Variants in DOCK3 observed in about 807,000 individuals in gnomAD.
DOCK3 encodes the protein dedicator of cytokinesis protein 3.
A neutral mutation model predicts 265.6 loss-of-function variants in DOCK3; 60 were observed. That is an observed-to-expected ratio of 0.23 (90% confidence interval 0.18 to 0.28). DOCK3 has a LOEUF of 0.28. Ranked by LOEUF, DOCK3 falls within the 10% of genes least tolerant of loss-of-function variation. DOCK3 has a pLI of 1.00. For synonymous variants in DOCK3, 881 were observed against 938.0 expected (o/e 0.94, Z 1.11); for missense variants, 1,981 against 2,594.3 (o/e 0.76, Z 5.14).
At chr3:50,820,949 TTTGAGAAGTG>T (rs2044375634) in intron 2 of DOCK3, among the ~76,000 whole-genome samples, 1 of 151,866 alleles carries the variant, frequency 6.6e-6, no homozygotes, top group Non-Finnish European at 1.5e-5. Flanking sequence ...TGTGTTGTCT[TTTGAGAAGTG>T]TCTGTTCATG....
chr3:50,766,165 C>T (rs1260455323), intron 1 of DOCK3, among the ~76,000 whole-genome samples: 3 of 151,964 alleles, frequency 2.0e-5, no homozygotes, highest in African/African-American at 4.8e-5. Context: ...GGTACATGTG[C>T]ACAACGTGTA....
At chr3:50,939,330 CAG>C (rs2051568317) in intron 5 of DOCK3, among the ~76,000 whole-genome samples, 1 of 152,000 alleles carries the variant, frequency 6.6e-6, no homozygotes, top group African/African-American at 2.4e-5. Context: ...TAGTTTTATA[CAG>C]AGTCTTCTAG....
chr3:51,356,856 A>G (rs1245029748), intron 43 of DOCK3, 106 bp from the exon 44 acceptor site: 1 of 1,341,858 alleles, frequency 7.5e-7, no homozygotes, highest in Admixed American at 2.7e-5. Context: ...GTTCACAGGA[A>G]CAAGGAAGGG....
chr3:51,101,368 C>T (rs1440112017), intron 9 of DOCK3, among the ~76,000 whole-genome samples: 2 of 152,174 alleles, frequency 1.3e-5, no homozygotes, highest in African/African-American at 4.8e-5. Flanking sequence ...GATCCACCTG[C>T]CTCGGCCTCC....
chr3:51,189,786 A>AT (rs1389313205), intron 12 of DOCK3, among the ~76,000 whole-genome samples: 2 of 152,170 alleles, frequency 1.3e-5, no homozygotes, highest in Admixed American at 6.5e-5. Context: ...CAGTTGTGGA[A>AT]TTTTTTGATG....
chr3:51,285,702 A>G (rs1227402781), intron 27 of DOCK3, among the ~76,000 whole-genome samples: 1 of 152,102 alleles, frequency 6.6e-6, no homozygotes, highest in African/African-American at 2.4e-5. Context: ...TGGGAGGCCA[A>G]GGTGGGCAGA....
rs1227587306 is a variant in DOCK3 at position 51,236,330 on chromosome 3, T to C, written c.1918-15T>C. The C allele has an allele frequency of 1.2e-6, 2 of 1,606,898 alleles. No individual in the cohort carries two copies. The highest frequency in any genetic ancestry group is 1.7e-5 in the Admixed American group (1 of 59,982). On this transcript the variant is annotated splice_polypyrimidine_tract_variant and intron_variant, in intron 19 of 52. Coordinates refer to ENST00000266037, the MANE Select transcript of DOCK3 (RefSeq NM_004947.5). ...GTCCTGAGACCTGAGCCCTCTGCTT[T>C]TTATGTTGTTTTAGTTTCTGCAGGA...
intron 5 of DOCK3, among the ~76,000 whole-genome samples, chr3:51,007,179 GATCCTTGAGGA>G (rs1237263447): frequency 6.6e-6 from 1 of 152,158 alleles, no homozygotes; most frequent in Non-Finnish European, 1.5e-5. Context: ...TCTAGTTCTA[GATCCTTGAGGA>G]ATCACCACAC....
intron 5 of DOCK3, among the ~76,000 whole-genome samples, chr3:51,037,268 T>C (rs2080306247): frequency 6.6e-6 from 1 of 152,138 alleles, no homozygotes; most frequent in African/African-American, 2.4e-5. Context: ...TGTGTTCCCC[T>C]TCCTACTGAA....
chr3:51,135,297 A>C (rs952922533), intron 9 of DOCK3, among the ~76,000 whole-genome samples: 1 of 152,172 alleles, frequency 6.6e-6, no homozygotes, highest in Non-Finnish European at 1.5e-5. Flanking sequence ...CAGTTTTAAG[A>C]CTGTGTCATA....
chr3:51,173,697 A>AT (rs1370372876), intron 12 of DOCK3, among the ~76,000 whole-genome samples: 10 of 152,146 alleles, frequency 6.6e-5, no homozygotes, highest in Non-Finnish European at 1.5e-4. Flanking sequence ...TCTAATAGAG[A>AT]TTCCCTTGTA....
At chr3:51,012,250 G>T (rs2108775269) in intron 5 of DOCK3, among the ~76,000 whole-genome samples, 2 of 152,308 alleles carry the variant, frequency 1.3e-5, no homozygotes, top group South Asian at 4.1e-4. Context: ...CACAGAGGTG[G>T]AGTCTACAGA....
intron 2 of DOCK3, among the ~76,000 whole-genome samples, chr3:50,782,563 C>G (rs1337849740): frequency 7.5e-6 from 1 of 133,036 alleles, no homozygotes; most frequent in Admixed American, 8.2e-5. Flanking sequence ...GTGCTGGGAC[C>G]TGTTATTTTT....
At chr3:50,997,582 G>T (rs2078329531) in intron 5 of DOCK3, among the ~76,000 whole-genome samples, 1 of 152,090 alleles carries the variant, frequency 6.6e-6, no homozygotes, top group African/African-American at 2.4e-5. Flanking sequence ...ACATTAGAAA[G>T]AAATACACTA....
intron 2 of DOCK3, among the ~76,000 whole-genome samples, chr3:50,785,853 C>T (rs1328814862): frequency 2.0e-5 from 3 of 151,796 alleles, no homozygotes; most frequent in Non-Finnish European, 2.9e-5. Context: ...CCCTCTTTCT[C>T]TATCTTTTGG....
At chr3:50,837,527 C>T (rs926579669) in intron 2 of DOCK3, among the ~76,000 whole-genome samples, 6 of 152,104 alleles carry the variant, frequency 3.9e-5, no homozygotes, top group Admixed American at 1.3e-4. Flanking sequence ...GGGGTAACCG[C>T]CCCCAGATTC....
chr3:51,363,791 C>T (rs961858621), intron 49 of DOCK3, among the ~76,000 whole-genome samples: 57 of 152,288 alleles, frequency 3.7e-4, no homozygotes, highest in African/African-American at 1.3e-3. Context: ...CCAGCTTCAT[C>T]CATATCCCTA....
At chr3:51,086,135 A>G (rs1560041105) in intron 7 of DOCK3, among the ~76,000 whole-genome samples, 1 of 152,264 alleles carries the variant, frequency 6.6e-6, no homozygotes, top group Non-Finnish European at 1.5e-5. Context: ...TCTATAGATT[A>G]TAGATTAACT....
rs9851527 is a variant in DOCK3, at chr3:51,149,734, C to T, written c.828+3104C>T. Among the ~76,000 whole-genome samples, 419 of 152,216 alleles carry T rather than the reference C, an allele frequency of 2.8e-3. 2 individuals are homozygous for T. Among genetic ancestry groups the T allele is most frequent in the African/African-American group, 9.6e-3 (399 of 41,528 alleles). Reference sequence around the variant, plus strand: ...AGGCTTTTTCATGTGCTGCTGGATTCGGTTTGCCAGTATTTTATTGAGGAT... The same window carrying T: ...AGGCTTTTTCATGTGCTGCTGGATTTGGTTTGCCAGTATTTTATTGAGGAT... On this transcript the variant is annotated intron_variant, in intron 10 of 52. Coordinates refer to ENST00000266037, the MANE Select transcript of DOCK3 (RefSeq NM_004947.5).
Sources: gnomAD v4.1 joint callset for allele counts (sites outside exome capture counted in the v4.1 genomes callset) on GRCh38, gnomAD v4.1.1 for gene constraint, MANE v1.5 for transcripts, NCBI Gene and HGNC (gene_info 2026-07-23, HGNC 2026-07-21) for gene names.